The following EFL1 variants were observed in gnomAD, a reference collection of about 807,000 sequenced individuals.
EFL1 encodes the protein elongation factor like GTPase 1.
A neutral mutation model predicts 126.7 loss-of-function variants in EFL1; 76 were observed. The ratio of observed to expected loss-of-function variants is 0.60; its 90% confidence interval spans 0.50 to 0.73. The LOEUF is 0.73. EFL1 is among the 30% of genes least tolerant of loss of function. The pLI is 0.00. For missense variants in EFL1, 1,128 were observed against 1,343.2 expected (o/e 0.84, Z 2.50); for synonymous variants, 410 against 448.4 (o/e 0.91, Z 1.08).
At position 82,261,574 on chromosome 15, in the gene EFL1, G is replaced by A. The variant is rs2075118491; in HGVS notation, c.91+114C>T. On this transcript the variant is annotated intron_variant, in intron 2 of 19. Transcript: ENST00000268206. ...TCACACAAAACTTTTAAAGAAAGAAGACTTGCTTCTTAGCAAACATCACTC... is the reference window on the plus strand; with the variant it reads ...TCACACAAAACTTTTAAAGAAAGAAAACTTGCTTCTTAGCAAACATCACTC... 3 of 1,015,016 alleles carry A rather than the reference G, an allele frequency of 3.0e-6. No individual in the cohort carries two copies. In the South Asian group the frequency reaches 5.1e-5, roughly 17 times the overall value. 62.9% of individuals were successfully genotyped at this position (1,015,016 alleles called of 1,614,324 possible). A position where few individuals can be genotyped will look rare whatever the true frequency, so the allele number is the denominator to read the frequency against.
chr15:82,221,870 C>T (rs1052296654), intron 12 of EFL1, among the ~76,000 whole-genome samples: 10 of 152,238 alleles, frequency 6.6e-5, no homozygotes, highest in Non-Finnish European at 1.3e-4. Flanking sequence ...TCCGGAGCAA[C>T]ATCTAACAAA....
In EFL1 at chr15:82,230,946, T is replaced by G. The variant is rs1461000987; in HGVS notation, c.757A>C (p.Ser253Arg). The G allele has an allele frequency of 6.2e-7, 1 of 1,613,166 alleles. No individual in the cohort carries two copies. ...TCCTTTTTGATGCCAATTTTTTGAC[T>G]GTAGATTCTGGCGAAGTGCTCAATT... The part of the protein sequence containing the change: ...FGIEHFARIY[S>R]QKIGIKKEVL... The change falls in exon 8 of 20, where the codon AGT becomes CGT. Residue 253 changes from serine to arginine, a missense_variant. Physicochemically the swap from Ser to Arg is moderately radical, Grantham distance 110. Coordinates refer to ENST00000268206, the MANE Select transcript of EFL1 (RefSeq NM_024580.6).
At chr15:82,241,190 G>T in intron 5 of EFL1, 80 bp downstream of exon 5, 4 of 1,527,256 alleles carry the variant, frequency 2.6e-6, no homozygotes, top group Non-Finnish European at 3.6e-6. Context: ...GTGATTGTCA[G>T]TGAAATGCCT....
At chr15:82,256,873 GGAT>G (rs781048106) in intron 3 of EFL1, among the ~76,000 whole-genome samples, 18 of 152,100 alleles carry the variant, frequency 1.2e-4, no homozygotes, top group Admixed American at 2.0e-4. Flanking sequence ...TTGTTAATGA[GGAT>G]GATAATTTTT....
chr15:82,199,839 T>C (rs530467028), intron 15 of EFL1, among the ~76,000 whole-genome samples: 2 of 152,338 alleles, frequency 1.3e-5, no homozygotes, highest in African/African-American at 2.4e-5. Context: ...TGTCTTAACA[T>C]AGACATTTAA....
chr15:82,156,207 T>TTCTG (rs1464770419), intron 17 of EFL1, among the ~76,000 whole-genome samples: 1 of 152,232 alleles, frequency 6.6e-6, no homozygotes, highest in Non-Finnish European at 1.5e-5. Context: ...TGAAATAAAT[T>TTCTG]TCTGAATACA....
At chr15:82,202,081 T>C (rs1290899104) in intron 15 of EFL1, among the ~76,000 whole-genome samples, 3 of 152,210 alleles carry the variant, frequency 2.0e-5, no homozygotes, top group African/African-American at 7.2e-5. Context: ...ACCTCTGCTA[T>C]TTCAAACTTC....
intron 12 of EFL1, among the ~76,000 whole-genome samples, chr15:82,221,730 G>C (rs962551030): frequency 2.0e-5 from 3 of 152,180 alleles, no homozygotes; most frequent in African/African-American, 7.2e-5. Flanking sequence ...AAAACTGCTG[G>C]CACTAGGGGG....
chr15:82,162,931 T>C (rs948404933), intron 16 of EFL1, among the ~76,000 whole-genome samples: 3 of 152,236 alleles, frequency 2.0e-5, no homozygotes, highest in Non-Finnish European at 4.4e-5. Flanking sequence ...TGGAGATTCT[T>C]CACTGACAAT....
At chr15:82,203,531 C>T (rs758581691) in intron 15 of EFL1, among the ~76,000 whole-genome samples, 6 of 152,088 alleles carry the variant, frequency 3.9e-5, no homozygotes, top group Admixed American at 6.5e-5. Flanking sequence ...CCCACCACCA[C>T]GCCCGGCAAA....
intron 15 of EFL1, among the ~76,000 whole-genome samples, chr15:82,196,044 G>T (rs549124644): frequency 1.6e-4 from 24 of 152,254 alleles, no homozygotes; most frequent in African/African-American, 5.3e-4. Flanking sequence ...AACACTTGAG[G>T]AGAAGAGACA....
intron 19 of EFL1, among the ~76,000 whole-genome samples, chr15:82,134,815 TAGAAAG>T (rs2073703390): frequency 6.6e-6 from 1 of 152,204 alleles, no homozygotes; most frequent in Non-Finnish European, 1.5e-5. Context: ...GGGTAAAACA[TAGAAAG>T]AGAAATTATG....
At chr15:82,239,859 C>T (rs1191385852) in intron 6 of EFL1, among the ~76,000 whole-genome samples, 1 of 152,152 alleles carries the variant, frequency 6.6e-6, no homozygotes, top group African/African-American at 2.4e-5. Context: ...TCCCTCTTGA[C>T]CCAGACTGGG....
chr15:82,162,035 T>C (rs536880785), intron 16 of EFL1, among the ~76,000 whole-genome samples: 1 of 152,156 alleles, frequency 6.6e-6, no homozygotes, highest in Admixed American at 6.5e-5. Context: ...CCCAGCACTC[T>C]AAGAGGCTGA....
chr15:82,212,546 A>C (rs1199830974), intron 15 of EFL1, among the ~76,000 whole-genome samples: 2 of 152,226 alleles, frequency 1.3e-5, no homozygotes, highest in East Asian at 3.8e-4. Flanking sequence ...TCAATTCAAA[A>C]AGCCCCATCA....
intron 15 of EFL1, among the ~76,000 whole-genome samples, chr15:82,168,704 G>C (rs4267268): frequency 0.19 from 29,481 of 152,016 alleles, 3,099 homozygotes; most frequent in South Asian, 0.39. Flanking sequence ...AGTAGAGATG[G>C]GGTTTCACCA....
intron 15 of EFL1, among the ~76,000 whole-genome samples, chr15:82,195,355 GT>G (rs913615775): frequency 1.4e-4 from 21 of 152,174 alleles, no homozygotes; most frequent in Non-Finnish European, 2.4e-4. Flanking sequence ...TTTTCAGGCT[GT>G]AAACCGTGCT....
chr15:82,190,184 C>T (rs944291329), intron 15 of EFL1, among the ~76,000 whole-genome samples: 1 of 151,554 alleles, frequency 6.6e-6, no homozygotes, highest in Non-Finnish European at 1.5e-5. Context: ...TCTTCTCACT[C>T]GCTAATTCAG....
At chr15:82,205,782 T>C (rs548220665) in intron 15 of EFL1, among the ~76,000 whole-genome samples, 3 of 152,348 alleles carry the variant, frequency 2.0e-5, no homozygotes, top group Admixed American at 6.5e-5. Context: ...TTTGTTCTTA[T>C]ACAATATCTA....
Sources: allele counts gnomAD v4.1 joint callset (sites outside exome capture counted in the v4.1 genomes callset), GRCh38; gene constraint gnomAD v4.1.1; transcripts MANE v1.5; gene names NCBI Gene and HGNC (gene_info 2026-07-23, HGNC 2026-07-21).